The following HDAC9 variants were observed in gnomAD, a reference collection of about 807,000 sequenced individuals.
HDAC9 encodes histone deacetylase 9, also known as MEF-2 interacting transcription repressor (MITR) protein.
HDAC9 carries 41 observed loss-of-function variants against 139.4 expected under a neutral mutation model. The observed-to-expected ratio is 0.29, with a 90% CI of 0.23 to 0.38. HDAC9 has a LOEUF of 0.38. Ranked by LOEUF, HDAC9 falls within the 10% of genes least tolerant of loss-of-function variation. The pLI, the probability that HDAC9 is intolerant of heterozygous loss-of-function variation, is 1.00. For missense variants in HDAC9, 1,147 were observed against 1,297.0 expected (o/e 0.88, Z 1.78); for synonymous variants, 517 against 476.2 (o/e 1.09, Z -1.12).
At chr7:18,603,317 A>C (rs1834492802) in intron 6 of HDAC9, among the ~76,000 whole-genome samples, 1 of 152,090 alleles carries the variant, frequency 6.6e-6, no homozygotes, top group Admixed American at 6.5e-5. Flanking sequence ...TAATTAGATT[A>C]ATATCTAGAA....
chr7:18,931,682 G>A (rs1195700485), intron 22 of HDAC9, among the ~76,000 whole-genome samples: 1 of 152,054 alleles, frequency 6.6e-6, no homozygotes, highest in African/African-American at 2.4e-5. Flanking sequence ...TTATTTTATT[G>A]TTCAAAATAG....
intron 1 of HDAC9, among the ~76,000 whole-genome samples, chr7:18,371,765 G>A (rs1318611780): frequency 6.6e-6 from 1 of 152,062 alleles, no homozygotes; most frequent in Admixed American, 6.6e-5. Flanking sequence ...AAATGATTAA[G>A]GACATCAATT....
At chr7:18,752,422 C>A (rs1316826279) in intron 14 of HDAC9, among the ~76,000 whole-genome samples, 1 of 152,016 alleles carries the variant, frequency 6.6e-6, no homozygotes, top group Admixed American at 6.6e-5. Context: ...ACTTATTTAC[C>A]AAGATACCCC....
intron 1 of HDAC9, among the ~76,000 whole-genome samples, chr7:18,122,379 G>T (rs553155451): frequency 6.6e-6 from 1 of 152,132 alleles, no homozygotes; most frequent in Non-Finnish European, 1.5e-5. Context: ...CAGACACAGC[G>T]CTGGGAAATG....
rs1441881622 is a variant in HDAC9 at position 18,143,154 on chromosome 7, CT to C, written c.-96-19074del. Among the ~76,000 whole-genome samples the C allele has an allele frequency of 3.9e-5, 6 of 152,206 alleles. No homozygotes were observed. In the East Asian group the frequency reaches 1.2e-3, roughly 29 times the overall value. On this transcript the variant is annotated intron_variant, in intron 1 of 12. Coordinates refer to the HDAC9 transcript ENST00000417496. ...CCCTGCTTTTGTAAACTGGTCTATCCTGTGCACCTACGCCTATTGTCAAATT... is the reference window on the plus strand; with the variant it reads ...CCCTGCTTTTGTAAACTGGTCTATCCGTGCACCTACGCCTATTGTCAAATT...
intron 22 of HDAC9, among the ~76,000 whole-genome samples, chr7:18,920,960 C>A (rs1009686973): frequency 6.6e-6 from 1 of 151,986 alleles, no homozygotes; most frequent in Non-Finnish European, 1.5e-5. Context: ...TTTGACAAAC[C>A]TGACAAAAAC....
chr7:18,417,363 CT>C (rs1288039756), intron 1 of HDAC9, among the ~76,000 whole-genome samples: 11 of 152,094 alleles, frequency 7.2e-5, no homozygotes, highest in African/African-American at 2.7e-4. Context: ...TCTTTGTCTG[CT>C]ATTAACATCT....
At chr7:18,971,677 G>A (rs978540546) in intron 24 of HDAC9, among the ~76,000 whole-genome samples, 1 of 152,202 alleles carries the variant, frequency 6.6e-6, no homozygotes, top group Non-Finnish European at 1.5e-5. Flanking sequence ...CATTATTAAT[G>A]TAGAATATTT....
At chr7:18,621,793 G>T (rs1840286502) in intron 6 of HDAC9, among the ~76,000 whole-genome samples, 1 of 152,160 alleles carries the variant, frequency 6.6e-6, no homozygotes, top group Non-Finnish European at 1.5e-5. Flanking sequence ...ATGCCAAGTA[G>T]TACTTTTGAA....
At chr7:18,136,873 G>A (rs1264678255) in intron 1 of HDAC9, among the ~76,000 whole-genome samples, 1 of 151,906 alleles carries the variant, frequency 6.6e-6, no homozygotes, top group East Asian at 1.9e-4. Context: ...GGATGGCATT[G>A]AATCTGTAAA....
At chr7:18,667,166 C>T in intron 12 of HDAC9, 2 of 985,170 alleles carry the variant, frequency 2.0e-6, no homozygotes, top group Non-Finnish European at 2.4e-6. Context: ...TCTCACATAG[C>T]ACTGCTCATT....
At chr7:18,280,775 T>G (rs1004687998) in intron 2 of HDAC9, among the ~76,000 whole-genome samples, 1 of 118,840 alleles carries the variant, frequency 8.4e-6, no homozygotes, top group Non-Finnish European at 1.8e-5. Context: ...AAAAAATAAA[T>G]AAATAAATAA....
chr7:18,498,868 C>A (rs1476220053), intron 2 of HDAC9, among the ~76,000 whole-genome samples: 2 of 152,012 alleles, frequency 1.3e-5, no homozygotes, highest in Non-Finnish European at 2.9e-5. Flanking sequence ...AGTGAATGAA[C>A]CTAAGATCTT....
intron 22 of HDAC9, among the ~76,000 whole-genome samples, chr7:18,876,848 A>T (rs1799356405): frequency 6.6e-6 from 1 of 151,810 alleles, no homozygotes; most frequent in African/African-American, 2.4e-5. Flanking sequence ...GATTACAGGC[A>T]TGTGCCACCA....
intron 1 of HDAC9, among the ~76,000 whole-genome samples, chr7:18,442,924 T>C (rs1791922070): frequency 1.3e-5 from 2 of 152,172 alleles, no homozygotes; most frequent in African/African-American, 2.4e-5. Context: ...GGGGCTATAT[T>C]TGGGGCTTCA....
chr7:18,340,083 C>T (rs1781888459), intron 1 of HDAC9, among the ~76,000 whole-genome samples: 3 of 151,402 alleles, frequency 2.0e-5, no homozygotes, highest in African/African-American at 2.4e-5. Flanking sequence ...TTATTAGGTG[C>T]ATAAACATTT....
chr7:18,154,174 TTTTC>T (rs1335699134), intron 1 of HDAC9, among the ~76,000 whole-genome samples: 14 of 152,330 alleles, frequency 9.2e-5, no homozygotes, highest in Admixed American at 5.9e-4. Context: ...ATTCGAATGT[TTTTC>T]TTTCTATTAA....
chr7:18,884,882 C>T (rs1414266443), intron 22 of HDAC9, among the ~76,000 whole-genome samples: 1 of 152,176 alleles, frequency 6.6e-6, no homozygotes, highest in East Asian at 1.9e-4. Context: ...ACAAATCTCT[C>T]CTCCTCTCTT....
At position 18,745,177 on chromosome 7, in the gene HDAC9, G is replaced by A. The variant is rs181444863; in HGVS notation, c.1910-3828G>A. Among the ~76,000 whole-genome samples the A allele has an allele frequency of 2.1e-3, 318 of 152,222 alleles. 3 individuals carry two copies. Among genetic ancestry groups the A allele is most frequent in the Middle Eastern group, 6.8e-3 (2 of 294 alleles). On this transcript the variant is annotated intron_variant, in intron 13 of 25. Transcript: ENST00000686413. Reference sequence around the variant, plus strand: ...CCAAAGAGAGAGAATGAAAGAGAGAGGGAAGGAATGAAGATGAAGGATGAG... The same window carrying A: ...CCAAAGAGAGAGAATGAAAGAGAGAAGGAAGGAATGAAGATGAAGGATGAG...
Sources: allele counts gnomAD v4.1 joint callset (sites outside exome capture counted in the v4.1 genomes callset), GRCh38; gene constraint gnomAD v4.1.1; transcripts MANE v1.5; gene names NCBI Gene and HGNC (gene_info 2026-07-23, HGNC 2026-07-21).